Variants in SETBP1 observed in about 807,000 individuals in gnomAD.
The protein encoded by SETBP1 is SET-binding protein.
Under a neutral mutation model 101.0 loss-of-function variants are expected in SETBP1, and 9 were observed. That is an observed-to-expected ratio of 0.09 (90% CI 0.05 to 0.16). The LOEUF is 0.16. Among genes scored for constraint, SETBP1 ranks in the 10% least tolerant of loss-of-function variants. The pLI, the probability that SETBP1 is intolerant of heterozygous loss-of-function variation, is 1.00. For synonymous variants in SETBP1, 818 were observed against 788.5 expected (o/e 1.04, Z -0.63); for missense variants, 1,858 against 2,033.8 (o/e 0.91, Z 1.66).
chr18:44,869,155 G>A, intron 2 of SETBP1, 75 bp from the exon 3 acceptor site: 2 of 1,298,798 alleles, frequency 1.5e-6, no homozygotes, highest in Non-Finnish European at 2.2e-6. Flanking sequence ...TAAGTCCATT[G>A]CTGGTCAGTT....
At chr18:44,957,333 A>T (rs1202343933) in intron 4 of SETBP1, among the ~76,000 whole-genome samples, 1 of 152,122 alleles carries the variant, frequency 6.6e-6, no homozygotes, top group East Asian at 1.9e-4. Flanking sequence ...AACTTATGCC[A>T]GATACTGAGA....
At chr18:44,826,432 G>T (rs1434438743) in intron 2 of SETBP1, among the ~76,000 whole-genome samples, 2 of 152,054 alleles carry the variant, frequency 1.3e-5, no homozygotes, top group African/African-American at 4.8e-5. Flanking sequence ...TCTCTCAAAA[G>T]ACCCCAAGGG....
intron 3 of SETBP1, among the ~76,000 whole-genome samples, chr18:44,873,411 C>T (rs1206830205): frequency 2.0e-5 from 3 of 152,114 alleles, no homozygotes; most frequent in African/African-American, 7.2e-5. Context: ...CTGAAATGCA[C>T]AGTGAGGTAT....
At chr18:44,772,912 T>C (rs956817262) in intron 2 of SETBP1, among the ~76,000 whole-genome samples, 2 of 152,224 alleles carry the variant, frequency 1.3e-5, no homozygotes, top group Admixed American at 6.5e-5. Flanking sequence ...AATCTTTTAT[T>C]CTATTCATAT....
intron 2 of SETBP1, among the ~76,000 whole-genome samples, chr18:44,760,674 G>A (rs1000236271): frequency 1.8e-4 from 27 of 152,270 alleles, no homozygotes; most frequent in African/African-American, 5.5e-4. Context: ...TGTAGTGTGC[G>A]ATAACAATAC....
intron 2 of SETBP1, among the ~76,000 whole-genome samples, chr18:44,787,907 G>GAAATAAGA (rs1318165935): frequency 7.3e-6 from 1 of 137,594 alleles, no homozygotes; most frequent in Admixed American, 7.3e-5. Flanking sequence ...GGAAAAAAAG[G>GAAATAAGA]AAATAAGAAA....
chr18:44,911,069 G>A (rs879595215), intron 3 of SETBP1, among the ~76,000 whole-genome samples: 2 of 152,190 alleles, frequency 1.3e-5, no homozygotes, highest in Admixed American at 1.3e-4. Context: ...GGAAAAGTGA[G>A]AAACAGTTTC....
At chr18:44,714,601 G>A (rs1263238479) in intron 2 of SETBP1, among the ~76,000 whole-genome samples, 3 of 151,620 alleles carry the variant, frequency 2.0e-5, no homozygotes, top group South Asian at 2.1e-4. Flanking sequence ...TGTGTCTCTC[G>A]GGGTGTGTGT....
At chr18:44,903,618 G>A (rs994583115) in intron 3 of SETBP1, among the ~76,000 whole-genome samples, 9 of 152,146 alleles carry the variant, frequency 5.9e-5, no homozygotes, top group Admixed American at 3.3e-4. Context: ...TTTTGAGCTG[G>A]ACAAATACAA....
intron 4 of SETBP1, among the ~76,000 whole-genome samples, chr18:44,995,377 G>A (rs898484349): frequency 3.9e-5 from 6 of 151,954 alleles, no homozygotes; most frequent in Non-Finnish European, 7.4e-5. Context: ...TCCTGACTTC[G>A]TGATCTGCCC....
At chr18:44,686,257 C>A (rs576887377) in intron 1 of SETBP1, among the ~76,000 whole-genome samples, 1 of 152,378 alleles carries the variant, frequency 6.6e-6, no homozygotes, top group African/African-American at 2.4e-5. Context: ...TGCCTGGCAG[C>A]CTGCAGCAGG....
intron 2 of SETBP1, among the ~76,000 whole-genome samples, chr18:44,856,081 A>G (rs766742228): frequency 6.6e-5 from 10 of 150,534 alleles, no homozygotes; most frequent in Non-Finnish European, 1.5e-4. Context: ...AGTCTGTAGA[A>G]TGAGGTTCAC....
At chr18:44,890,528 AT>A (rs1262375208) in intron 3 of SETBP1, among the ~76,000 whole-genome samples, 2 of 152,044 alleles carry the variant, frequency 1.3e-5, no homozygotes, top group African/African-American at 4.8e-5. Context: ...GTTTGTATAG[AT>A]CCTATGGACA....
intron 5 of SETBP1, among the ~76,000 whole-genome samples, chr18:45,039,276 CAA>C (rs2073461721): frequency 6.6e-6 from 1 of 152,302 alleles, no homozygotes; most frequent in African/African-American, 2.4e-5. Flanking sequence ...TTAGATATCT[CAA>C]GTTCTCCACA....
intron 1 of SETBP1, among the ~76,000 whole-genome samples, chr18:44,690,479 TTTA>T (rs1274752860): frequency 6.6e-6 from 1 of 152,222 alleles, no homozygotes; most frequent in African/African-American, 2.4e-5. Flanking sequence ...TTTGAAAGAC[TTTA>T]TTATTATCTG....
intron 2 of SETBP1, among the ~76,000 whole-genome samples, chr18:44,737,786 T>A (rs753834572): frequency 6.6e-6 from 1 of 152,184 alleles, no homozygotes; most frequent in African/African-American, 2.4e-5. Context: ...GCCTTAGAAG[T>A]GTAGTTGTGT....
chr18:44,966,577 C>T (rs978888388), intron 4 of SETBP1, among the ~76,000 whole-genome samples: 3 of 152,154 alleles, frequency 2.0e-5, no homozygotes, highest in African/African-American at 7.2e-5. Flanking sequence ...AGGAGAATCG[C>T]AGTCATGTCA....
chr18:44,965,465 G>A (rs73952937), intron 4 of SETBP1, among the ~76,000 whole-genome samples: 169 of 152,174 alleles, frequency 1.1e-3, no homozygotes, highest in African/African-American at 4.0e-3. Flanking sequence ...AAATATCCTA[G>A]TATATCTATG....
chr18:44,705,201 TA>T (rs1354200272), intron 2 of SETBP1, among the ~76,000 whole-genome samples: 1 of 152,236 alleles, frequency 6.6e-6, no homozygotes, highest in Non-Finnish European at 1.5e-5. Flanking sequence ...AGAATAATAA[TA>T]TTTTGTAATA....
Sources: allele counts gnomAD v4.1 joint callset (sites outside exome capture counted in the v4.1 genomes callset), GRCh38; gene constraint gnomAD v4.1.1; transcripts MANE v1.5; gene names NCBI Gene and HGNC (gene_info 2026-07-23, HGNC 2026-07-21).